The following CALN1 variants were observed in gnomAD, a reference collection of about 807,000 sequenced individuals.
CALN1 encodes the protein calneuron 1.
In CALN1, 17 loss-of-function variants were observed where a neutral mutation model predicts 30.6. The ratio of observed to expected loss-of-function variants is 0.56; its 90% CI spans 0.38 to 0.83. The LOEUF (loss-of-function observed/expected upper bound fraction) is 0.83. CALN1 is among the 40% of genes least tolerant of loss of function. The pLI is 0.00. For synonymous variants in CALN1, 156 were observed against 131.4 expected (o/e 1.19, Z -1.28); for missense variants, 291 against 354.9 (o/e 0.82, Z 1.45).
intron 5 of CALN1, among the ~76,000 whole-genome samples, chr7:72,023,441 A>G (rs1465903532): frequency 1.3e-5 from 2 of 152,088 alleles, no homozygotes; most frequent in African/African-American, 4.8e-5. Flanking sequence ...TTTTTCCCTA[A>G]TGCAAAAAAA....
At chr7:72,230,058 G>A (rs377297713) in intron 3 of CALN1, among the ~76,000 whole-genome samples, 16 of 149,468 alleles carry the variant, frequency 1.1e-4, no homozygotes, top group Admixed American at 3.3e-4. Flanking sequence ...GGGGAATGGC[G>A]TGAACCCAGG....
chr7:72,462,483 C>G, the CALN1 span, among the ~76,000 whole-genome samples: 11 of 152,216 alleles, frequency 7.2e-5, no homozygotes, highest in African/African-American at 2.7e-4. Flanking sequence ...CCGCAACCAG[C>G]TTGTCCCTGT....
At chr7:72,067,514 T>A (rs1457844309) in intron 4 of CALN1, among the ~76,000 whole-genome samples, 1 of 152,088 alleles carries the variant, frequency 6.6e-6, no homozygotes, top group Non-Finnish European at 1.5e-5. Flanking sequence ...CCTCCGGAAG[T>A]GTTGGAATTA....
At chr7:72,353,299 A>T (rs1020017981) in intron 2 of CALN1, among the ~76,000 whole-genome samples, 2 of 152,186 alleles carry the variant, frequency 1.3e-5, no homozygotes, top group African/African-American at 4.8e-5. Context: ...CAAAACAGAA[A>T]ATGAAAATAA....
chr7:72,212,869 A>C (rs1428234950), intron 3 of CALN1, among the ~76,000 whole-genome samples: 1 of 152,226 alleles, frequency 6.6e-6, no homozygotes, highest in African/African-American at 2.4e-5. Flanking sequence ...TCTATCAACC[A>C]GTCAGTAGTG....
intron 3 of CALN1, among the ~76,000 whole-genome samples, chr7:72,230,767 G>A (rs1046589463): frequency 1.3e-5 from 2 of 152,124 alleles, no homozygotes; most frequent in Non-Finnish European, 2.9e-5. Context: ...TAATAAATTC[G>A]TATTCTGTTA....
Position 72,418,621 on chromosome 7 carries a change from C to T in CALN1, c.-225-6346G>A, listed in dbSNP as rs13238867. Among the ~76,000 whole-genome samples the T allele has an allele frequency of 5.3e-5, 8 of 151,554 alleles. No individual in the cohort carries two copies. In the East Asian group the frequency reaches 1.2e-3, roughly 22 times the overall value. ...ACAATCGCCCTCTGTAGCTTCCCCG[C>T]CCCGGCTCACATAGGGCTCCTGGAG... On this transcript the variant is annotated intron_variant, in intron 1 of 6. Coordinates refer to the CALN1 transcript ENST00000395276.
chr7:71,878,496 G>A (rs955845305), intron 5 of CALN1, among the ~76,000 whole-genome samples: 4 of 152,120 alleles, frequency 2.6e-5, no homozygotes, highest in African/African-American at 9.7e-5. Flanking sequence ...GTACAGGGCT[G>A]TCTGAAGGAC....
intron 3 of CALN1, among the ~76,000 whole-genome samples, chr7:72,231,437 T>G (rs1339933928): frequency 1.3e-5 from 2 of 152,224 alleles, no homozygotes; most frequent in African/African-American, 4.8e-5. Flanking sequence ...TCCAGCTCCA[T>G]CCATGTCTCT....
intron 4 of CALN1, among the ~76,000 whole-genome samples, chr7:72,031,192 CT>C (rs1218950039): frequency 6.6e-6 from 1 of 152,196 alleles, no homozygotes; most frequent in African/African-American, 2.4e-5. Flanking sequence ...GTCTGGATCA[CT>C]GTCTCCTGAT....
the CALN1 span, among the ~76,000 whole-genome samples, chr7:72,491,748 C>T: frequency 6.6e-6 from 1 of 152,116 alleles, no homozygotes; most frequent in Non-Finnish European, 1.5e-5. Context: ...GAAATGAAAA[C>T]TCATAGAGTA....
At chr7:72,156,392 G>A (rs1787680744) in intron 3 of CALN1, among the ~76,000 whole-genome samples, 1 of 152,202 alleles carries the variant, frequency 6.6e-6, no homozygotes, top group Admixed American at 6.5e-5. Context: ...AGACCATGGT[G>A]CAAAGAGGCA....
intron 4 of CALN1, among the ~76,000 whole-genome samples, chr7:72,058,208 C>T (rs1056645087): frequency 1.3e-5 from 2 of 151,260 alleles, no homozygotes; most frequent in Non-Finnish European, 1.5e-5. Flanking sequence ...ATCGTAAGTG[C>T]AATTGTTTCA....
At chr7:71,826,810 G>C (rs901102673) in intron 5 of CALN1, among the ~76,000 whole-genome samples, 1 of 152,130 alleles carries the variant, frequency 6.6e-6, no homozygotes, top group Non-Finnish European at 1.5e-5. Context: ...TGAGTAGCTG[G>C]GACTACAGGT....
chr7:72,295,379 GTT>G (rs1198355889), intron 2 of CALN1, among the ~76,000 whole-genome samples: 1 of 152,082 alleles, frequency 6.6e-6, no homozygotes, highest in Non-Finnish European at 1.5e-5. Flanking sequence ...CTTTAAAGTA[GTT>G]TTTTCCAATT....
intron 5 of CALN1, among the ~76,000 whole-genome samples, chr7:71,914,436 C>G (rs1238883472): frequency 6.6e-6 from 1 of 152,174 alleles, no homozygotes; most frequent in Non-Finnish European, 1.5e-5. Context: ...ACCACATTTT[C>G]TTTATCCAGT....
intron 5 of CALN1, among the ~76,000 whole-genome samples, chr7:71,936,514 A>T (rs904172823): frequency 6.6e-6 from 1 of 151,844 alleles, no homozygotes; most frequent in Non-Finnish European, 1.5e-5. Flanking sequence ...GGCCCCTGGG[A>T]AATTCTGGGG....
intron 3 of CALN1, among the ~76,000 whole-genome samples, chr7:72,219,012 A>G (rs372838843): frequency 8.5e-5 from 13 of 152,310 alleles, no homozygotes; most frequent in African/African-American, 3.1e-4. Context: ...CACACCCCTG[A>G]AACAGGAAAC....
the CALN1 span, among the ~76,000 whole-genome samples, chr7:72,488,422 C>G: frequency 6.6e-6 from 1 of 152,010 alleles, no homozygotes; most frequent in Non-Finnish European, 1.5e-5. Flanking sequence ...AGGACTAATA[C>G]TTTGGGAATT....
Sources: allele counts gnomAD v4.1 joint callset (sites outside exome capture counted in the v4.1 genomes callset), GRCh38; gene constraint gnomAD v4.1.1; transcripts MANE v1.5; gene names NCBI Gene and HGNC (gene_info 2026-07-23, HGNC 2026-07-21).